CPEB3: variants seen among roughly 807,000 people sequenced by gnomAD.
CPEB3 encodes the protein cytoplasmic polyadenylation element-binding protein 3.
Under a neutral mutation model 67.2 loss-of-function variants are expected in CPEB3, and 20 were observed. That is an observed-to-expected ratio of 0.30 (90% CI 0.21 to 0.43). The LOEUF is 0.43. CPEB3 is among the 20% of genes least tolerant of loss of function. The probability of loss-of-function intolerance (pLI) is 1.00; values close to 1 mark genes in which losing one functional copy is unlikely to be tolerated. For synonymous variants in CPEB3, 376 were observed against 393.1 expected, an observed-to-expected ratio of 0.96 and a Z score of 0.51; for missense variants, 746 against 968.6, an observed-to-expected ratio of 0.77 and a Z score of 3.05.
chr10:92,119,731 G>C (rs1037324450), intron 6 of CPEB3, among the ~76,000 whole-genome samples: 7 of 152,134 alleles, frequency 4.6e-5, no homozygotes, highest in Non-Finnish European at 8.8e-5. Flanking sequence ...CAGCTGCTTT[G>C]AGGAAGAAAT....
chr10:92,162,024 C>T (rs1193121087), intron 4 of CPEB3, among the ~76,000 whole-genome samples: 1 of 152,100 alleles, frequency 6.6e-6, no homozygotes, highest in Non-Finnish European at 1.5e-5. Context: ...CCTATCTATG[C>T]TAAGATGGAT....
rs142295563 is a variant in CPEB3 at position 92,208,461 on chromosome 10, A to G, written c.1006-15825T>C. ...TTTATGTAGAAGAAACTTGCTATTT[A>G]CAAATAAATCTTAGCTATTTGCAGC... On this transcript the variant is annotated intron_variant, in intron 2 of 9. Transcript: ENST00000265997. Among the ~76,000 whole-genome samples, 449 of 152,342 alleles carry G rather than the reference A, an allele frequency of 2.9e-3. 2 individuals carry two copies. Among genetic ancestry groups the G allele is most frequent in the Non-Finnish European group, 5.3e-3 (360 of 68,030 alleles).
chr10:92,202,970 C>T (rs1483823277), intron 2 of CPEB3, among the ~76,000 whole-genome samples: 2 of 146,662 alleles, frequency 1.4e-5, no homozygotes, highest in Non-Finnish European at 3.0e-5. Context: ...GAGATGGAGT[C>T]TAGCTCTGTC....
intron 4 of CPEB3, among the ~76,000 whole-genome samples, chr10:92,148,625 G>GT (rs1407364498): frequency 2.6e-5 from 4 of 152,036 alleles, no homozygotes; most frequent in African/African-American, 9.7e-5. Flanking sequence ...GTTCACCACT[G>GT]TATCTTCCTG....
intron 2 of CPEB3, among the ~76,000 whole-genome samples, chr10:92,227,892 A>G (rs984087148): frequency 2.1e-4 from 28 of 131,836 alleles, no homozygotes; most frequent in South Asian, 4.8e-4. Context: ...CGCCCGGCCT[A>G]TTTTTTTCTT....
intron 7 of CPEB3, among the ~76,000 whole-genome samples, chr10:92,102,286 A>C (rs1844228307): frequency 6.6e-6 from 1 of 152,220 alleles, no homozygotes; most frequent in Non-Finnish European, 1.5e-5. Context: ...AAAAAGCTGT[A>C]ACTCTCACAT....
At chr10:92,172,666 T>C (rs1488775652) in intron 4 of CPEB3, among the ~76,000 whole-genome samples, 1 of 152,224 alleles carries the variant, frequency 6.6e-6, no homozygotes. Context: ...AACCTGCATA[T>C]GTACCCCCTG....
intron 2 of CPEB3, among the ~76,000 whole-genome samples, chr10:92,203,242 T>G (rs1023435633): frequency 6.7e-4 from 101 of 150,820 alleles, no homozygotes; most frequent in African/African-American, 2.2e-3. Context: ...CGCCCAGCCT[T>G]TAAGCTGTTA....
intron 9 of CPEB3, among the ~76,000 whole-genome samples, chr10:92,063,067 T>G (rs1842416196): frequency 6.6e-6 from 1 of 152,224 alleles, no homozygotes; most frequent in South Asian, 2.1e-4. Flanking sequence ...GATGAGTGGC[T>G]AGAGAAGTTG....
At chr10:92,177,490 C>A (rs997980973) in intron 4 of CPEB3, among the ~76,000 whole-genome samples, 2 of 152,150 alleles carry the variant, frequency 1.3e-5, no homozygotes, top group African/African-American at 4.8e-5. Flanking sequence ...TAAAGGCTGG[C>A]CTGCCAATTC....
rs187040688 is a variant in CPEB3, at chr10:92,273,936, T to C, written c.-12+16990A>G. 2.4e-3 allele frequency among the ~76,000 whole-genome samples: 365 copies of C among 152,282 alleles called. 3 individuals carry two copies. Among genetic ancestry groups the C allele is most frequent in the African/African-American group, 8.3e-3 (344 of 41,562 alleles). On this transcript the variant is annotated intron_variant, in intron 1 of 9. Coordinates refer to ENST00000265997, the MANE Select transcript of CPEB3 (RefSeq NM_014912.5). ...ACCACTCTAACATGCAGCAACTTCTTTTCCCTTCCCTGAGCTCCTAGGGTA... is the reference window on the plus strand; with the variant it reads ...ACCACTCTAACATGCAGCAACTTCTCTTCCCTTCCCTGAGCTCCTAGGGTA...
At position 92,188,232 on chromosome 10, in the gene CPEB3, T is replaced by C. The variant is rs1848785802; in HGVS notation, c.1165+4245A>G. ...AAATAAATAAAATAAGAAACAGCTG[T>C]CATTAGAGTATTACCCTCTTCAAAA... On this transcript the variant is annotated intron_variant, in intron 3 of 9. Transcript: ENST00000265997. Among the ~76,000 whole-genome samples, 3 of 146,448 alleles carry C rather than the reference T, an allele frequency of 2.0e-5. No individual in the cohort carries two copies. In the South Asian group the frequency reaches 6.4e-4, roughly 31 times the overall value.
chr10:92,175,955 G>C (rs1486270509), intron 4 of CPEB3, among the ~76,000 whole-genome samples: 1 of 152,174 alleles, frequency 6.6e-6, no homozygotes, highest in African/African-American at 2.4e-5. Context: ...GCCAGGCATA[G>C]TGGCGTGTGC....
intron 1 of CPEB3, among the ~76,000 whole-genome samples, chr10:92,276,144 G>A (rs1242361210): frequency 4.6e-5 from 7 of 151,868 alleles, no homozygotes; most frequent in African/African-American, 1.4e-4. Context: ...CACCACGCCC[G>A]GCATTTCATT....
At chr10:92,159,131 C>T (rs984080730) in intron 4 of CPEB3, among the ~76,000 whole-genome samples, 3 of 151,610 alleles carry the variant, frequency 2.0e-5, no homozygotes, top group Admixed American at 6.6e-5. Context: ...GGCGCGGTGG[C>T]TCACACCTGT....
At chr10:92,238,579 C>T (rs940809919) in intron 2 of CPEB3, among the ~76,000 whole-genome samples, 2 of 151,806 alleles carry the variant, frequency 1.3e-5, no homozygotes, top group African/African-American at 4.8e-5. Flanking sequence ...AAATAGACTC[C>T]ATTGCAATAT....
Position 92,239,590 on chromosome 10 carries a change from G to A in CPEB3, c.761C>T (p.Ala254Val), listed in dbSNP as rs751073644. 36 of 1,554,398 alleles carry A rather than the reference G, an allele frequency of 2.3e-5. 1 individual carries two copies. The South Asian group carries it at 4.0e-4, about 17-fold the overall frequency. Residue 254 changes from alanine (A) to valine (V), a missense_variant, in exon 2 of 10, where the codon GCA becomes GTA. This residue lies in a region of CPEB3 where 643 missense variants were observed against 717.5 expected (regional missense o/e 0.90). Coordinates refer to ENST00000265997, the MANE Select transcript of CPEB3 (RefSeq NM_014912.5). The surrounding 1 kb of genome is among the most constrained non-coding windows in gnomAD (Gnocchi z 6.0). The part of the protein sequence containing the change: ...THQSVNAAWS[A>V]PSNPWGGLQA... ...CAGGCCGCCCCAGGGGTTGGACGGTGCGCTCCAGGCTGCATTCACGCTTTG... is the reference window on the plus strand; with the variant it reads ...CAGGCCGCCCCAGGGGTTGGACGGTACGCTCCAGGCTGCATTCACGCTTTG...
intron 8 of CPEB3, among the ~76,000 whole-genome samples, chr10:92,088,223 T>TC (rs1843456838): frequency 7.1e-6 from 1 of 140,950 alleles, no homozygotes; most frequent in Non-Finnish European, 1.5e-5. Flanking sequence ...TTTTCCAACC[T>TC]AATTTTTTTT....
At chr10:92,113,164 A>T (rs1335759338) in intron 6 of CPEB3, among the ~76,000 whole-genome samples, 6 of 152,228 alleles carry the variant, frequency 3.9e-5, no homozygotes, top group African/African-American at 1.4e-4. Context: ...AGGTTTTAGG[A>T]CCAAGAGCTG....
Sources: allele counts gnomAD v4.1 joint callset (sites outside exome capture counted in the v4.1 genomes callset), GRCh38; gene constraint gnomAD v4.1.1; regional missense constraint gnomAD v4.1.1; non-coding constraint Gnocchi (gnomAD v3.1); transcripts MANE v1.5; gene names NCBI Gene and HGNC (gene_info 2026-07-23, HGNC 2026-07-21).